The following FCHSD2 variants were observed in gnomAD, a reference collection of about 807,000 sequenced individuals.
FCHSD2 encodes F-BAR and double SH3 domains protein 2.
A neutral mutation model predicts 108.1 loss-of-function variants in FCHSD2; 38 were observed. The ratio of observed to expected loss-of-function variants is 0.35; its 90% confidence interval spans 0.27 to 0.46. The LOEUF is 0.46. FCHSD2 is among the 20% of genes least tolerant of loss of function. The pLI, the probability that FCHSD2 is intolerant of heterozygous loss-of-function variation, is 1.00. For synonymous variants in FCHSD2, 279 were observed against 314.7 expected, an observed-to-expected ratio of 0.89 and a Z score of 1.20; for missense variants, 751 against 897.8, an observed-to-expected ratio of 0.84 and a Z score of 2.09.
At position 72,841,572 on chromosome 11, in the gene FCHSD2, G is replaced by C; in HGVS notation, c.1938C>G (p.Ser646=). The C allele has an allele frequency of 6.2e-7, 1 of 1,605,670 alleles. No homozygotes were observed. Among genetic ancestry groups the C allele is most frequent in the African/African-American group, 1.3e-5 (1 of 74,736 alleles). ...GAGGCAGGGAGGCGTGTGGCTTGGGGGAAGGAGAGATCTGCAGCAAAGGGA... is the reference window on the plus strand; with the variant it reads ...GAGGCAGGGAGGCGTGTGGCTTGGGCGAAGGAGAGATCTGCAGCAAAGGGA... ...PWMREIQISP[S]PKPHASLPPL... Residue 646 remains serine (S), a synonymous_variant, in exon 18 of 20, where the codon TCC becomes TCG. Transcript: ENST00000409418.
At chr11:73,037,080 T>C (rs1010956149) in intron 3 of FCHSD2, among the ~76,000 whole-genome samples, 1 of 152,206 alleles carries the variant, frequency 6.6e-6, no homozygotes. Flanking sequence ...AGAATTCTAT[T>C]ATATTCTTCT....
chr11:72,965,215 C>T (rs1267110770), intron 8 of FCHSD2, among the ~76,000 whole-genome samples: 4 of 152,204 alleles, frequency 2.6e-5, no homozygotes, highest in African/African-American at 9.6e-5. Context: ...TGCTACACTC[C>T]AGCTGTACAT....
intron 8 of FCHSD2, among the ~76,000 whole-genome samples, chr11:72,974,245 C>T (rs1325928690): frequency 3.3e-5 from 5 of 152,182 alleles, no homozygotes; most frequent in Non-Finnish European, 7.3e-5. Flanking sequence ...TGTATCATCC[C>T]ATGGTAGAAA....
At chr11:73,068,821 AAAAAAAAAAAAGAAAAAG>A (rs1859360433) in intron 3 of FCHSD2, among the ~76,000 whole-genome samples, 1 of 149,812 alleles carries the variant, frequency 6.7e-6, no homozygotes, top group African/African-American at 2.4e-5. Flanking sequence ...AGTAAAAAAA[AAAAAAAAAAAAGAAAAAG>A]AAAAAAAAAT....
intron 3 of FCHSD2, among the ~76,000 whole-genome samples, chr11:73,066,139 C>T (rs1015114592): frequency 3.9e-5 from 6 of 152,070 alleles, no homozygotes; most frequent in African/African-American, 1.2e-4. Context: ...GGTACTGGTA[C>T]CAAAACAGAT....
intron 3 of FCHSD2, among the ~76,000 whole-genome samples, chr11:73,016,090 G>A (rs1857965451): frequency 6.6e-6 from 1 of 152,028 alleles, no homozygotes; most frequent in Admixed American, 6.5e-5. Flanking sequence ...ATCACTTGAG[G>A]TCAGGAGTTT....
chr11:72,972,598 T>A (rs1287037925), intron 8 of FCHSD2, among the ~76,000 whole-genome samples: 1 of 152,232 alleles, frequency 6.6e-6, no homozygotes, highest in Non-Finnish European at 1.5e-5. Context: ...GTTCAACTGC[T>A]AAAAATATTT....
At chr11:72,959,065 T>C (rs76437648) in intron 8 of FCHSD2, among the ~76,000 whole-genome samples, 3,630 of 151,786 alleles carry the variant, frequency 0.024, 143 homozygotes, top group African/African-American at 0.084. Flanking sequence ...TCCTTACATA[T>C]CAGAATCTTG....
chr11:72,977,618 G>A (rs984121211), intron 8 of FCHSD2, among the ~76,000 whole-genome samples: 5 of 152,320 alleles, frequency 3.3e-5, no homozygotes, highest in African/African-American at 4.8e-5. Context: ...ATGTGCTGCC[G>A]AAGCGAGCAC....
intron 2 of FCHSD2, among the ~76,000 whole-genome samples, chr11:73,135,708 A>G (rs1305158455): frequency 6.6e-6 from 1 of 152,218 alleles, no homozygotes; most frequent in East Asian, 1.9e-4. Flanking sequence ...CTGATTAACA[A>G]CAAATTAGTT....
chr11:73,059,641 T>C (rs575185008), intron 3 of FCHSD2, among the ~76,000 whole-genome samples: 101 of 152,360 alleles, frequency 6.6e-4, no homozygotes, highest in African/African-American at 2.3e-3. Context: ...TCAAGTTTTA[T>C]GTATCCTGGT....
At chr11:72,849,413 T>C (rs906983904) in intron 14 of FCHSD2, among the ~76,000 whole-genome samples, 2 of 152,206 alleles carry the variant, frequency 1.3e-5, no homozygotes, top group African/African-American at 4.8e-5. Flanking sequence ...AAGTGCTATA[T>C]AATAAAAGAG....
intron 2 of FCHSD2, among the ~76,000 whole-genome samples, chr11:73,085,065 T>A (rs1219704946): frequency 6.6e-6 from 1 of 152,120 alleles, no homozygotes; most frequent in Non-Finnish European, 1.5e-5. Context: ...ATTTCTTATA[T>A]AAAAATATAA....
Position 72,953,733 on chromosome 11 carries a change from G to A in FCHSD2, c.705+30355C>T, listed in dbSNP as rs147844628. Reference sequence around the variant, plus strand: ...AAATAGAGAATGAAGAAAAGATGCCGCCTTATGTTGTGTAGTCAGGGAAGG... The same window carrying A: ...AAATAGAGAATGAAGAAAAGATGCCACCTTATGTTGTGTAGTCAGGGAAGG... On this transcript the variant is annotated intron_variant, in intron 8 of 19. Transcript: ENST00000409418. Among the ~76,000 whole-genome samples the A allele has an allele frequency of 3.7e-3, 559 of 152,242 alleles. 4 individuals carry two copies. Among genetic ancestry groups the A allele is most frequent in the African/African-American group, 0.013 (536 of 41,558 alleles).
At chr11:73,110,320 G>A (rs1473639824) in intron 2 of FCHSD2, among the ~76,000 whole-genome samples, 1 of 152,044 alleles carries the variant, frequency 6.6e-6, no homozygotes, top group Non-Finnish European at 1.5e-5. Flanking sequence ...ATTAGGTCTT[G>A]GACTTGGCTT....
intron 19 of FCHSD2, among the ~76,000 whole-genome samples, chr11:72,839,730 C>G (rs1041137647): frequency 1.3e-5 from 2 of 152,038 alleles, no homozygotes; most frequent in Admixed American, 6.6e-5. Flanking sequence ...TTTTGGGGAT[C>G]TGGGATATAT....
chr11:73,084,855 C>G (rs1281090843), intron 2 of FCHSD2, among the ~76,000 whole-genome samples: 1 of 151,726 alleles, frequency 6.6e-6, no homozygotes, highest in Non-Finnish European at 1.5e-5. Flanking sequence ...GACAATTTAC[C>G]TTGAATATCC....
intron 9 of FCHSD2, among the ~76,000 whole-genome samples, chr11:72,910,849 AT>A (rs1331719286): frequency 1.2e-4 from 16 of 136,778 alleles, no homozygotes; most frequent in African/African-American, 2.8e-4. Context: ...AAAAAAAAAA[AT>A]TTCCTATAGA....
intron 10 of FCHSD2, chr11:72,900,220 T>TGCCCAACCACCCC: frequency 2.3e-6 from 2 of 886,386 alleles, no homozygotes; most frequent in Non-Finnish European, 3.6e-6. Flanking sequence ...AACCCACACT[T>TGCCCAACCACCCC]CCCATCCCTC....
Sources: gnomAD v4.1 joint callset for allele counts (sites outside exome capture counted in the v4.1 genomes callset) on GRCh38, gnomAD v4.1.1 for gene constraint, MANE v1.5 for transcripts, NCBI Gene and HGNC (gene_info 2026-07-23, HGNC 2026-07-21) for gene names.